The following SPIN1 variants were observed in gnomAD, a reference collection of about 807,000 sequenced individuals.
The protein encoded by SPIN1 is spindlin-1.
A neutral mutation model predicts 26.0 loss-of-function variants in SPIN1; 3 were observed. The observed-to-expected ratio is 0.12, with a 90% CI of 0.05 to 0.30. The LOEUF (loss-of-function observed/expected upper bound fraction) is 0.30, where lower values mean the gene tolerates loss of function less well. Ranked by LOEUF, SPIN1 falls within the 10% of genes least tolerant of loss-of-function variation. The probability of loss-of-function intolerance (pLI) is 1.00; values close to 1 mark genes in which losing one functional copy is unlikely to be tolerated. For missense variants in SPIN1, 126 were observed against 333.4 expected, an observed-to-expected ratio of 0.38 and a Z score of 4.84; for synonymous variants, 101 against 116.5, an observed-to-expected ratio of 0.87 and a Z score of 0.86.
At chr9:88,410,406 GTCT>G in intron 1 of SPIN1, 2 of 568,354 alleles carry the variant, frequency 3.5e-6, no homozygotes, top group South Asian at 1.7e-5. Flanking sequence ...TCTAAAACAT[GTCT>G]TCTTTGTAGC....
At position 88,427,757 on chromosome 9, in the gene SPIN1, C is replaced by T. The variant is rs1048454242; in HGVS notation, c.52+1166C>T. On this transcript the variant is annotated intron_variant, in intron 2 of 5. Transcript: ENST00000375859. ...GATTACAGGCATGAGCCACCCTGCC[C>T]GGCCAGTTTTTTTGTATTTTTAGTA... Among the ~76,000 whole-genome samples the T allele has an allele frequency of 9.9e-5, 15 of 152,044 alleles. 1 individual carries two copies. The highest frequency in any genetic ancestry group is 4.1e-4 in the South Asian group (2 of 4,822).
At chr9:88,466,593 A>G (rs968214116) in intron 4 of SPIN1, among the ~76,000 whole-genome samples, 1 of 152,180 alleles carries the variant, frequency 6.6e-6, no homozygotes, top group Non-Finnish European at 1.5e-5. Context: ...CGTACTTAAA[A>G]CCAGCCATAC....
chr9:88,427,402 T>G (rs1827783142), intron 2 of SPIN1, among the ~76,000 whole-genome samples: 1 of 152,206 alleles, frequency 6.6e-6, no homozygotes, highest in African/African-American at 2.4e-5. Context: ...GCTTCTCTTT[T>G]ATAAAGATAA....
At chr9:88,408,088 G>A (rs866746895) in intron 1 of SPIN1, among the ~76,000 whole-genome samples, 56 of 151,876 alleles carry the variant, frequency 3.7e-4, no homozygotes, top group African/African-American at 1.3e-3. Context: ...GGTACTGCAG[G>A]CTTTATGTTT....
At chr9:88,444,769 C>T (rs988868398) in intron 2 of SPIN1, among the ~76,000 whole-genome samples, 1 of 148,814 alleles carries the variant, frequency 6.7e-6, no homozygotes, top group African/African-American at 2.5e-5. Context: ...TGGCTCACTG[C>T]AAGCTCCACC....
At chr9:88,396,498 A>G (rs2117880435) in intron 1 of SPIN1, among the ~76,000 whole-genome samples, 1 of 151,576 alleles carries the variant, frequency 6.6e-6, no homozygotes, top group South Asian at 2.1e-4. Context: ...GCTACTCAGG[A>G]GGCTGAGGCA....
intron 2 of SPIN1, among the ~76,000 whole-genome samples, chr9:88,438,942 CA>C (rs1828063014): frequency 1.3e-5 from 2 of 152,060 alleles, no homozygotes; most frequent in Non-Finnish European, 2.9e-5. Flanking sequence ...ACTTTTAAGA[CA>C]AAAACTTGTT....
chr9:88,441,414 T>TGTGTGTGTGTGTGTGTGTGTGTGCGCGC, intron 2 of SPIN1, among the ~76,000 whole-genome samples: 1 of 141,200 alleles, frequency 7.1e-6, no homozygotes, highest in African/African-American at 2.9e-5. Flanking sequence ...TGTGTGTGTG[T>TGTGTGTGTGTGTGTGTGTGTGTGCGCGC]GCGCGCGCGC....
intron 1 of SPIN1, among the ~76,000 whole-genome samples, chr9:88,414,878 G>C (rs193039172): frequency 3.9e-4 from 60 of 152,184 alleles, no homozygotes; most frequent in Middle Eastern, 3.4e-3. Context: ...TTGGTGTTTT[G>C]ATATTTAGTG....
intron 3 of SPIN1, among the ~76,000 whole-genome samples, chr9:88,458,970 G>T (rs192437219): frequency 1.2e-3 from 176 of 152,292 alleles, no homozygotes; most frequent in African/African-American, 3.5e-3. Context: ...GAGACATCTA[G>T]AGTGGTGTTT....
intron 5 of SPIN1, among the ~76,000 whole-genome samples, chr9:88,469,656 A>G (rs1828738142): frequency 6.6e-6 from 1 of 152,014 alleles, no homozygotes; most frequent in African/African-American, 2.4e-5. Flanking sequence ...CTGGGACTGC[A>G]GGCACCCACC....
intron 1 of SPIN1, among the ~76,000 whole-genome samples, chr9:88,422,446 G>C (rs1206684041): frequency 6.6e-6 from 1 of 152,174 alleles, no homozygotes; most frequent in African/African-American, 2.4e-5. Flanking sequence ...AGTCAAAGAA[G>C]AGTGGGATTT....
At chr9:88,439,033 G>T (rs1321256680) in intron 2 of SPIN1, among the ~76,000 whole-genome samples, 1 of 152,022 alleles carries the variant, frequency 6.6e-6, no homozygotes, top group Non-Finnish European at 1.5e-5. Flanking sequence ...CCCACTTCCT[G>T]GCCCCTCAAC....
At chr9:88,435,645 T>A (rs1256896418) in intron 2 of SPIN1, among the ~76,000 whole-genome samples, 1 of 152,178 alleles carries the variant, frequency 6.6e-6, no homozygotes, top group Non-Finnish European at 1.5e-5. Context: ...TTTTCTGATA[T>A]TACATCTATT....
chr9:88,390,756 C>T (rs1175736809), intron 1 of SPIN1, among the ~76,000 whole-genome samples: 1 of 152,186 alleles, frequency 6.6e-6, no homozygotes, highest in African/African-American at 2.4e-5. Flanking sequence ...CATGGAATCA[C>T]AATGGCCTTC....
chr9:88,417,715 C>T (rs750259687), intron 1 of SPIN1, among the ~76,000 whole-genome samples: 11 of 152,042 alleles, frequency 7.2e-5, no homozygotes, highest in East Asian at 3.9e-4. Flanking sequence ...TCAAGTGATC[C>T]GCTGGCTTTG....
chr9:88,444,212 C>G (rs947225455), intron 2 of SPIN1, among the ~76,000 whole-genome samples: 2 of 148,966 alleles, frequency 1.3e-5, no homozygotes, highest in African/African-American at 4.9e-5. Flanking sequence ...GAGCTGCTTT[C>G]CCTTTTCATA....
Position 88,453,872 on chromosome 9 carries a change from A to G in SPIN1, c.101+4883A>G, listed in dbSNP as rs540410453. On this transcript the variant is annotated intron_variant, in intron 3 of 5. Transcript: ENST00000375859. Reference sequence around the variant, plus strand: ...CTAAGTTAAATTGGGGTTGGAAATCAGTACACTAAATTATGGCAATGAAAG... The same window carrying G: ...CTAAGTTAAATTGGGGTTGGAAATCGGTACACTAAATTATGGCAATGAAAG... 9.2e-5 allele frequency among the ~76,000 whole-genome samples: 14 copies of G among 152,372 alleles called. No homozygotes were observed. In the South Asian group the frequency reaches 2.3e-3, roughly 25 times the overall value.
intron 1 of SPIN1, chr9:88,410,740 C>G: frequency 7.3e-7 from 1 of 1,368,336 alleles, no homozygotes. Context: ...TCCAAAATTG[C>G]TTCCACCATT....
Sources: allele counts gnomAD v4.1 joint callset (sites outside exome capture counted in the v4.1 genomes callset), GRCh38; gene constraint gnomAD v4.1.1; transcripts MANE v1.5; gene names NCBI Gene and HGNC (gene_info 2026-07-23, HGNC 2026-07-21).